NLGN4X: variants seen among roughly 807,000 people sequenced by gnomAD.
NLGN4X encodes the protein neuroligin 4 X-linked.
A neutral mutation model predicts 40.3 loss-of-function variants in NLGN4X; 3 were observed. The observed-to-expected ratio is 0.07, with a 90% CI of 0.03 to 0.19. NLGN4X has a LOEUF of 0.19. Ranked by LOEUF, NLGN4X falls within the 10% of genes least tolerant of loss-of-function variation. The pLI, the probability that NLGN4X is intolerant of heterozygous loss-of-function variation, is 1.00. For missense variants in NLGN4X, 382 were observed against 708.3 expected (o/e 0.54, Z 5.23); for synonymous variants, 270 against 306.8 (o/e 0.88, Z 1.25).
chrX:6,060,885 G>A (rs1310997066), intron 2 of NLGN4X, among the ~76,000 whole-genome samples: 1 of 111,670 alleles, frequency 9.0e-6, no homozygotes, highest in East Asian at 2.8e-4. Context: ...CCTCAGAATT[G>A]TCTTCCTCTT....
chrX:5,944,431 A>G (rs1407370269), intron 3 of NLGN4X, among the ~76,000 whole-genome samples: 7 of 110,320 alleles, frequency 6.3e-5, no homozygotes, highest in Non-Finnish European at 1.3e-4. Flanking sequence ...AGGAATGTTC[A>G]AGCCCAGGAG....
intron 1 of NLGN4X, among the ~76,000 whole-genome samples, chrX:6,196,310 G>C (rs1382357961): frequency 1.8e-5 from 2 of 110,944 alleles, no homozygotes; most frequent in Non-Finnish European, 3.8e-5. Flanking sequence ...CCAGCTACTC[G>C]GGAGGCCGAG....
chrX:5,984,380 C>CG (rs1555938859), intron 3 of NLGN4X, among the ~76,000 whole-genome samples: 1 of 91,361 alleles, frequency 1.1e-5, no homozygotes, highest in African/African-American at 3.9e-5. Flanking sequence ...ATACAAAATA[C>CG]AAAAAAAAAA....
At chrX:6,170,924 A>G (rs1055195323) in intron 1 of NLGN4X, among the ~76,000 whole-genome samples, 1 of 111,353 alleles carries the variant, frequency 9.0e-6, no homozygotes, top group Non-Finnish European at 1.9e-5. Context: ...TCCAGGCTCC[A>G]GCAATCTTCC....
At chrX:5,998,943 G>A (rs1346274779) in intron 3 of NLGN4X, among the ~76,000 whole-genome samples, 2 of 112,264 alleles carry the variant, frequency 1.8e-5, no homozygotes, top group Non-Finnish European at 3.8e-5. Flanking sequence ...GCATGGATTG[G>A]TGTTAAGTAG....
At chrX:6,162,975 T>C (rs761344403) in intron 1 of NLGN4X, among the ~76,000 whole-genome samples, 2 of 111,838 alleles carry the variant, frequency 1.8e-5, no homozygotes, top group African/African-American at 3.3e-5. Flanking sequence ...GGGAGATAAC[T>C]GAATCAAGAG....
At chrX:6,198,250 A>G (rs111486418) in intron 1 of NLGN4X, among the ~76,000 whole-genome samples, 1,810 of 111,479 alleles carry the variant, frequency 0.016, 35 homozygotes, top group African/African-American at 0.054. Context: ...TCATCATTAC[A>G]ACTAAAGATT....
In NLGN4X at chrX:6,082,960, T is replaced by TC. The variant is rs2038397769; in HGVS notation, c.473-53529_473-53528insG. On this transcript the variant is annotated intron_variant, in intron 2 of 5. Coordinates refer to ENST00000381095, the MANE Select transcript of NLGN4X (RefSeq NM_181332.3). ...TTTGCCATGATGCGTTTTTTTCTTT[T>TC]TTTTTTTTTTTTTTTTTGAGACGGA... Among the ~76,000 whole-genome samples, 3 of 85,773 alleles carry TC rather than the reference T, an allele frequency of 3.5e-5. No homozygotes were observed. In the South Asian group the frequency reaches 1.9e-3, roughly 55 times the overall value. The allele number at this position is 85,773 out of a possible 115,157, so 74.5% of individuals were successfully genotyped here.
At chrX:5,947,963 T>C (rs905011264) in intron 3 of NLGN4X, among the ~76,000 whole-genome samples, 3 of 111,998 alleles carry the variant, frequency 2.7e-5, no homozygotes, top group African/African-American at 6.5e-5. Flanking sequence ...TAGGAAATGA[T>C]ATAAATATAT....
At position 5,903,280 on chromosome X, in the gene NLGN4X, G is replaced by T. The variant is rs767288860; in HGVS notation, c.1398C>A (p.Pro466=). ...GATGATAGAAGGCATAGAAGTAGGT[G>T]GGGGAGCCGTACTGCGCGTGCAGGT... ...TADLHAQYGS[P]TYFYAFYHHC... The change falls in exon 5 of 6, where the codon CCC becomes CCA. Residue 466 remains proline, a synonymous_variant. Transcript: ENST00000381095. 3.3e-6 allele frequency: 4 copies of T among 1,211,852 alleles called. No homozygotes were observed. The highest frequency in any genetic ancestry group is 4.3e-5 in the Admixed American group (2 of 46,114).
intron 1 of NLGN4X, among the ~76,000 whole-genome samples, chrX:6,167,738 A>T (rs1283872191): frequency 1.8e-5 from 2 of 111,874 alleles, no homozygotes; most frequent in Admixed American, 1.9e-4. Context: ...CCCAAGTCCA[A>T]GAAAAAATAG....
chrX:6,005,149 C>T (rs1441800420), intron 3 of NLGN4X, among the ~76,000 whole-genome samples: 1 of 111,908 alleles, frequency 8.9e-6, no homozygotes, highest in Non-Finnish European at 1.9e-5. Flanking sequence ...TCAAACAAAA[C>T]AAAACAAACT....
At chrX:6,015,092 T>C (rs553033805) in intron 3 of NLGN4X, among the ~76,000 whole-genome samples, 2 of 112,126 alleles carry the variant, frequency 1.8e-5, no homozygotes, top group South Asian at 7.5e-4. Flanking sequence ...TAAATATTTC[T>C]CCATAGCACT....
At chrX:6,023,652 G>T (rs192898675) in intron 3 of NLGN4X, among the ~76,000 whole-genome samples, 1 of 111,822 alleles carries the variant, frequency 8.9e-6, no homozygotes, top group African/African-American at 3.3e-5. Flanking sequence ...ACTCTTCCAA[G>T]GGAGTTTACG....
At chrX:6,081,585 T>C (rs915160096) in intron 2 of NLGN4X, among the ~76,000 whole-genome samples, 1 of 111,672 alleles carries the variant, frequency 9.0e-6, no homozygotes, top group Non-Finnish European at 1.9e-5. Flanking sequence ...GCTCCATCTA[T>C]AAAGGGGAGG....
intron 3 of NLGN4X, among the ~76,000 whole-genome samples, chrX:5,956,490 A>T (rs183947740): frequency 4.5e-5 from 5 of 111,780 alleles, no homozygotes; most frequent in African/African-American, 1.6e-4. Flanking sequence ...AAAAATCAGT[A>T]TTGCTGGTTG....
intron 3 of NLGN4X, among the ~76,000 whole-genome samples, chrX:5,925,881 C>CACATATATATAT (rs2033272520): frequency 5.1e-5 from 1 of 19,518 alleles, no homozygotes; most frequent in Non-Finnish European, 1.0e-4. Context: ...TACATACACA[C>CACATATATATAT]ATATATATAT....
chrX:5,890,260 TTC>T lies in NLGN4X; in HGVS notation c.*2555_*2556del, dbSNP rs201565409. ...TTTTCTTACTTTTTTCTCATTTTTT[TTC>T]TTTTTTCTCTTTTTTATAGATAGCA... On this transcript the variant is annotated 3_prime_UTR_variant, in exon 6 of 6. Transcript: ENST00000381095. 0.012 allele frequency: 1,969 copies of T among 166,253 alleles called. 32 individuals are homozygous for T. The highest frequency in any genetic ancestry group is 0.06 in the African/African-American group (1,837 of 30,680). 13.7% of individuals were successfully genotyped at this position (166,253 alleles called of 1,213,427 possible). A position where few individuals can be genotyped will look rare whatever the true frequency, so the allele number is the denominator to read the frequency against.
intron 3 of NLGN4X, among the ~76,000 whole-genome samples, chrX:5,938,662 T>C (rs770971661): frequency 9.0e-6 from 1 of 111,039 alleles, no homozygotes; most frequent in African/African-American, 3.3e-5. Flanking sequence ...GGCCATGGGT[T>C]AGTTTAAAGC....
Sources: allele counts gnomAD v4.1 joint callset (sites outside exome capture counted in the v4.1 genomes callset), GRCh38; gene constraint gnomAD v4.1.1; transcripts MANE v1.5; gene names NCBI Gene and HGNC (gene_info 2026-07-23, HGNC 2026-07-21).